The following SH3KBP1 variants were observed in gnomAD, a reference collection of about 807,000 sequenced individuals.
The protein encoded by SH3KBP1 is SH3 domain-containing kinase-binding protein 1.
A neutral mutation model predicts 50.1 loss-of-function variants in SH3KBP1; 8 were observed. The observed-to-expected ratio is 0.16, with a 90% CI of 0.09 to 0.29. SH3KBP1 has a LOEUF of 0.29. SH3KBP1 is among the 10% of genes least tolerant of loss of function. SH3KBP1 has a pLI of 1.00. For missense variants in SH3KBP1, 377 were observed against 535.2 expected, an observed-to-expected ratio of 0.70 and a Z score of 2.92; for synonymous variants, 227 against 218.6, an observed-to-expected ratio of 1.04 and a Z score of -0.34.
intron 1 of SH3KBP1, among the ~76,000 whole-genome samples, chrX:19,885,684 C>T (rs2069567355): frequency 9.0e-6 from 1 of 110,647 alleles, no homozygotes; most frequent in Admixed American, 9.6e-5. Flanking sequence ...CGGTGACCCA[C>T]CCAAAATGAA....
chrX:19,875,336 G>A (rs936441118), intron 1 of SH3KBP1, among the ~76,000 whole-genome samples: 2 of 111,849 alleles, frequency 1.8e-5, no homozygotes, highest in Non-Finnish European at 3.8e-5. Flanking sequence ...TCTCGGCTCC[G>A]ACAAGGGCCC....
At chrX:19,593,517 A>C (rs919276112) in intron 10 of SH3KBP1, among the ~76,000 whole-genome samples, 3 of 111,224 alleles carry the variant, frequency 2.7e-5, no homozygotes, top group African/African-American at 9.8e-5. Context: ...ACGATCATTC[A>C]GGCAGGATAA....
rs2147478532 is a variant in SH3KBP1 at position 19,536,101 on chromosome X, T to C, written c.*316A>G. 1 of 174,454 alleles carries C rather than the reference T, an allele frequency of 5.7e-6. No homozygotes were observed. The highest frequency in any genetic ancestry group is 1.1e-5 in the Non-Finnish European group (1 of 93,284). The allele number at this position is 174,454 out of a possible 1,213,427, so 14.4% of individuals were successfully genotyped here. On this transcript the variant is annotated 3_prime_UTR_variant, in exon 18 of 18. Coordinates refer to ENST00000397821, the MANE Select transcript of SH3KBP1 (RefSeq NM_031892.3). ...AATTACATTTTATTAATGGAAAATA[T>C]CATCAAAATAGTACCACTATGGACT...
intron 12 of SH3KBP1, among the ~76,000 whole-genome samples, chrX:19,582,522 T>C (rs1292804526): frequency 8.9e-6 from 1 of 112,125 alleles, no homozygotes; most frequent in Non-Finnish European, 1.9e-5. Context: ...GCCACAACCA[T>C]TGCGAATGTT....
chrX:19,789,521 G>A (rs1466598141), intron 2 of SH3KBP1, among the ~76,000 whole-genome samples: 2 of 109,839 alleles, frequency 1.8e-5, no homozygotes, highest in Non-Finnish European at 3.8e-5. Context: ...TTGGCTTGCA[G>A]ATAGCCACCT....
intron 7 of SH3KBP1, among the ~76,000 whole-genome samples, chrX:19,635,464 G>C (rs2061679660): frequency 9.1e-6 from 1 of 109,496 alleles, no homozygotes; most frequent in South Asian, 4.1e-4. Flanking sequence ...GGGTCAACAG[G>C]TGCAGCAAAC....
chrX:19,638,098 AAAAC>A lies in SH3KBP1; in HGVS notation c.803-6144_803-6141del, dbSNP rs763842141. On this transcript the variant is annotated intron_variant, in intron 7 of 17. Coordinates refer to ENST00000397821, the MANE Select transcript of SH3KBP1 (RefSeq NM_031892.3). ...TCTCCAAAACAAAACAAAACAAAAA[AAAAC>A]AAACAAACAAACAAAAAAAAACAAA... is the stretch of plus-strand genomic sequence containing the variant. Among the ~76,000 whole-genome samples the A allele has an allele frequency of 1.8e-4, 19 of 105,984 alleles. No individual in the cohort carries two copies. The East Asian group carries it at 4.0e-3, about 22-fold the overall frequency. The allele number at this position is 105,984 out of a possible 115,157, so 92.0% of individuals were successfully genotyped here. A position where few individuals can be genotyped will look rare whatever the true frequency, so the allele number is the denominator to read the frequency against.
intron 14 of SH3KBP1, among the ~76,000 whole-genome samples, chrX:19,548,337 G>A (rs751426387): frequency 4.5e-5 from 5 of 111,605 alleles, no homozygotes; most frequent in Non-Finnish European, 9.4e-5. Flanking sequence ...TTGGAAGGAA[G>A]ACAAAAATGA....
intron 8 of SH3KBP1, among the ~76,000 whole-genome samples, chrX:19,608,306 C>CTTTTTTTT (rs57794070): frequency 3.4e-4 from 30 of 87,280 alleles, no homozygotes; most frequent in Non-Finnish European, 5.3e-4. Context: ...TTCTTTCTTT[C>CTTTTTTTT]TTTTTTTTTT....
intron 2 of SH3KBP1, among the ~76,000 whole-genome samples, chrX:19,767,597 C>G (rs1213186007): frequency 1.8e-5 from 2 of 110,588 alleles, no homozygotes; most frequent in East Asian, 5.7e-4. Context: ...CCAGCCCTGT[C>G]CCACCCTCAT....
At chrX:19,755,579 A>G (rs7052042) in intron 2 of SH3KBP1, among the ~76,000 whole-genome samples, 15,834 of 110,834 alleles carry the variant, frequency 0.14, 922 homozygotes, top group African/African-American at 0.15. Context: ...AAAAGAAAAA[A>G]ATGACTCAAA....
intron 6 of SH3KBP1, among the ~76,000 whole-genome samples, chrX:19,678,637 G>A (rs772678242): frequency 9.0e-6 from 1 of 110,944 alleles, no homozygotes; most frequent in East Asian, 2.8e-4. Flanking sequence ...AAAAAAATCA[G>A]CAAAATATTT....
chrX:19,586,944 G>C (rs771397948), intron 12 of SH3KBP1, among the ~76,000 whole-genome samples: 4 of 111,573 alleles, frequency 3.6e-5, no homozygotes, highest in Non-Finnish European at 7.5e-5. Flanking sequence ...TGAATCCACC[G>C]GGCACGGTGG....
chrX:19,821,178 G>A (rs2067513468), intron 2 of SH3KBP1, among the ~76,000 whole-genome samples: 1 of 111,959 alleles, frequency 8.9e-6, no homozygotes, highest in African/African-American at 3.2e-5. Context: ...ATTACCTGAT[G>A]CCAGGAGTTT....
chrX:19,637,349 T>C (rs1264444478), intron 7 of SH3KBP1, among the ~76,000 whole-genome samples: 3 of 112,467 alleles, frequency 2.7e-5, no homozygotes, highest in African/African-American at 9.7e-5. Context: ...ACTTCTATCA[T>C]GTTCTAGGAA....
chrX:19,655,109 T>C (rs2062239065), intron 6 of SH3KBP1, among the ~76,000 whole-genome samples: 2 of 112,357 alleles, frequency 1.8e-5, no homozygotes, highest in Middle Eastern at 4.6e-3. Context: ...CAGACTGACA[T>C]GTATCCCACA....
intron 3 of SH3KBP1, among the ~76,000 whole-genome samples, chrX:19,732,596 TACACACACACACAC>T (rs60032683): frequency 2.4e-4 from 22 of 90,748 alleles, no homozygotes; most frequent in East Asian, 7.0e-4. Context: ...TAAAAATCCC[TACACACACACACAC>T]ACACACACAC....
intron 2 of SH3KBP1, among the ~76,000 whole-genome samples, chrX:19,833,427 C>G (rs1450617655): frequency 3.8e-5 from 4 of 106,348 alleles, no homozygotes; most frequent in South Asian, 8.8e-4. Flanking sequence ...GTCTTTCCCA[C>G]AGTCTTCCGC....
chrX:19,641,906 C>T (rs1224777575), intron 7 of SH3KBP1, among the ~76,000 whole-genome samples: 3 of 111,881 alleles, frequency 2.7e-5, no homozygotes, highest in Non-Finnish European at 3.8e-5. Flanking sequence ...GTGGCACGGT[C>T]GTGGCTCACC....
Sources: allele counts gnomAD v4.1 joint callset (sites outside exome capture counted in the v4.1 genomes callset), GRCh38; gene constraint gnomAD v4.1.1; transcripts MANE v1.5; gene names NCBI Gene and HGNC (gene_info 2026-07-23, HGNC 2026-07-21).